Variants in LRRC9 observed in about 807,000 individuals in gnomAD.
LRRC9 encodes the protein leucine-rich repeat-containing protein 9.
LRRC9 carries 122 observed loss-of-function variants against 63.2 expected under a neutral mutation model. That is an observed-to-expected ratio of 1.93 (90% CI 1.67 to 2.24). The LOEUF (loss-of-function observed/expected upper bound fraction) is 2.24, where lower values mean the gene tolerates loss of function less well. Ranked by LOEUF, LRRC9 falls within the 30% of genes most tolerant of loss-of-function variation. The probability of loss-of-function intolerance (pLI) is 0.00; values close to 1 mark genes in which losing one functional copy is unlikely to be tolerated. For missense variants in LRRC9, 1,071 were observed against 627.7 expected, an observed-to-expected ratio of 1.71 and a Z score of -7.55; for synonymous variants, 366 against 213.1, an observed-to-expected ratio of 1.72 and a Z score of -6.25.
rs1041425217 is a variant in LRRC9, at chr14:60,027,026, C to T, written c.3704-858C>T. On this transcript the variant is annotated intron_variant, in intron 27 of 31. Transcript: ENST00000445360. This position sits in a 1 kb window ranked among gnomAD's most constrained non-coding sequence, Gnocchi z 4.0. ...TTTTCACATATGAATTGGAGGGGGA[C>T]ACAATTCAGCACATAATAATCAAGG... is the stretch of plus-strand genomic sequence containing the variant. 6.6e-6 allele frequency among the ~76,000 whole-genome samples: 1 copy of T among 151,870 alleles called. No homozygotes were observed. The highest frequency in any genetic ancestry group is 1.5e-5 in the Non-Finnish European group (1 of 67,956).
rs78229673 is a variant in LRRC9 at position 59,977,331 on chromosome 14, T to C, written c.1746T>C (p.Pro582=). The change falls in exon 14 of 32, where the codon CCT becomes CCC. Residue 582 remains proline (P), a synonymous_variant. Coordinates refer to ENST00000445360, the Ensembl canonical transcript of LRRC9. ...CAATGGTTAATTCAGTGTTCATTCC[T>C]CGGAAATATTTACTAAGTATGTCTA... 7.4e-3 allele frequency: 5,091 copies of C among 689,642 alleles called. 238 individuals are homozygous for C. In the East Asian group the frequency reaches 0.093, roughly 13 times the overall value. The allele number at this position is 689,642 out of a possible 1,614,324, so 42.7% of individuals were successfully genotyped here. A position where few individuals can be genotyped will look rare whatever the true frequency, so the allele number is the denominator to read the frequency against.
intron 8 of LRRC9, among the ~76,000 whole-genome samples, chr14:59,954,648 TA>T (rs1594863858): frequency 6.6e-6 from 1 of 152,240 alleles, no homozygotes. Flanking sequence ...GAATACACTT[TA>T]TTTTTTTCTC....
Position 59,923,628 on chromosome 14 carries a change from T to C in LRRC9, c.-34+3745T>C, listed in dbSNP as rs533629110. 8.9e-4 allele frequency among the ~76,000 whole-genome samples: 135 copies of C among 152,220 alleles called. 1 individual carries two copies. The highest frequency in any genetic ancestry group is 6.5e-4 in the Admixed American group (10 of 15,278). ...ATGAGGTGGGAATTTAAAATATAAATCACAGTAATTAAAACAGATACAGTC... is the reference window on the plus strand; with the variant it reads ...ATGAGGTGGGAATTTAAAATATAAACCACAGTAATTAAAACAGATACAGTC... On this transcript the variant is annotated intron_variant, in intron 1 of 31. Coordinates refer to ENST00000445360, the Ensembl canonical transcript of LRRC9. This position sits in a 1 kb window ranked among gnomAD's most constrained non-coding sequence, Gnocchi z 4.2.
At chr14:59,987,545 A>G (rs1316744132) in intron 17 of LRRC9, among the ~76,000 whole-genome samples, 1 of 151,270 alleles carries the variant, frequency 6.6e-6, no homozygotes, top group East Asian at 1.9e-4. Flanking sequence ...TTCGACCCAA[A>G]GAGTTTCCAG....
rs1018146276 is a variant in LRRC9, at chr14:60,004,060, A to C, written c.2842+262A>C. Among the ~76,000 whole-genome samples the C allele has an allele frequency of 9.9e-5, 15 of 152,236 alleles. No homozygotes were observed. The highest frequency in any genetic ancestry group is 9.8e-4 in the Admixed American group (15 of 15,284). ...ACAATATTATCTGTCAAATTAAAAA[A>C]TAAAAGATAAATAAAAAATTAAAAC... On this transcript the variant is annotated intron_variant, in intron 21 of 31. Coordinates refer to ENST00000445360, the Ensembl canonical transcript of LRRC9. This position sits in a 1 kb window ranked among gnomAD's most constrained non-coding sequence, Gnocchi z 4.8.
At chr14:59,978,904 T>C (rs541414673) in intron 15 of LRRC9, among the ~76,000 whole-genome samples, 1 of 152,196 alleles carries the variant, frequency 6.6e-6, no homozygotes, top group Non-Finnish European at 1.5e-5. Flanking sequence ...TGTGTGACAG[T>C]GCATGTCTCA....
chr14:59,943,672 T>C (rs1301964594), intron 7 of LRRC9, among the ~76,000 whole-genome samples: 1 of 152,106 alleles, frequency 6.6e-6, no homozygotes, highest in Non-Finnish European at 1.5e-5. Flanking sequence ...TCAGTTGCAG[T>C]ACTTCATAAT....
intron 29 of LRRC9, 94 bp from the exon 30 acceptor site, chr14:60,052,971 C>T (rs1007463775): frequency 4.1e-5 from 23 of 566,008 alleles, no homozygotes; most frequent in East Asian, 3.6e-4. Flanking sequence ...TATTTGTCCT[C>T]TTTGTTGCCT....
intron 8 of LRRC9, among the ~76,000 whole-genome samples, chr14:59,956,934 T>C (rs1019846192): frequency 2.0e-5 from 3 of 152,228 alleles, no homozygotes; most frequent in Non-Finnish European, 2.9e-5. Context: ...AATTCTTTTC[T>C]TTAAGAATGT....
intron 27 of LRRC9, among the ~76,000 whole-genome samples, chr14:60,025,975 T>C (rs1295777586): frequency 1.3e-5 from 2 of 152,040 alleles, no homozygotes; most frequent in South Asian, 2.1e-4. Flanking sequence ...CATTGGGAGA[T>C]TGGGCAAGAG....
Position 59,985,102 on chromosome 14 carries a change from C to T in LRRC9, c.2092-3C>T. 1.5e-6 allele frequency: 1 copy of T among 658,312 alleles called. No individual in the cohort carries two copies. The highest frequency in any genetic ancestry group is 2.8e-6 in the Non-Finnish European group (1 of 361,812). The allele number at this position is 658,312 out of a possible 1,614,324, so 40.8% of individuals were successfully genotyped here. A position where few individuals can be genotyped will look rare whatever the true frequency, so the allele number is the denominator to read the frequency against. On this transcript the variant is annotated splice_polypyrimidine_tract_variant and splice_region_variant and intron_variant, in intron 16 of 31. Coordinates refer to ENST00000445360, the Ensembl canonical transcript of LRRC9. ...TTTTAATGTATATTTTATTTTGCTT[C>T]AGAGTCTGAATCTACATGGAAACAG...
At chr14:60,043,756 C>CTTTTT (rs368065898) in intron 29 of LRRC9, among the ~76,000 whole-genome samples, 72 of 71,514 alleles carry the variant, frequency 1.0e-3, no homozygotes, top group Non-Finnish European at 1.5e-3. Flanking sequence ...TTTTCTTTTC[C>CTTTTT]TTTTTTTTTT....
At chr14:60,061,777 T>A (rs1038692618) in intron 31 of LRRC9, among the ~76,000 whole-genome samples, 20 of 152,226 alleles carry the variant, frequency 1.3e-4, no homozygotes, top group African/African-American at 4.8e-4. Flanking sequence ...TAAAACATTA[T>A]CTAGGAAAAA....
intron 29 of LRRC9, among the ~76,000 whole-genome samples, chr14:60,048,117 C>G (rs937185873): frequency 2.6e-5 from 4 of 152,136 alleles, no homozygotes; most frequent in Admixed American, 2.6e-4. Context: ...GACAATGTAT[C>G]AGAATCTCTG....
chr14:60,018,398 A>C, exon 25 of LRRC9: 1 of 700,542 alleles, frequency 1.4e-6, no homozygotes, highest in South Asian at 1.5e-5. Context: ...CAGTCGACCA[A>C]TTTAGAAATG....
chr14:60,009,965 C>T (rs1019220948), intron 23 of LRRC9, among the ~76,000 whole-genome samples: 4 of 152,246 alleles, frequency 2.6e-5, no homozygotes, highest in African/African-American at 9.6e-5. Flanking sequence ...CCTTAGGCAG[C>T]TCCACTCCTG....
chr14:59,974,329 G>A (rs1338619550), intron 12 of LRRC9, among the ~76,000 whole-genome samples: 1 of 151,998 alleles, frequency 6.6e-6, no homozygotes, highest in East Asian at 1.9e-4. Flanking sequence ...CTTGACTGTG[G>A]CTGCTTTTCC....
intron 30 of LRRC9, among the ~76,000 whole-genome samples, chr14:60,056,971 C>A (rs1894331385): frequency 1.3e-5 from 2 of 152,048 alleles, no homozygotes; most frequent in Admixed American, 6.6e-5. Context: ...GACAGCATTC[C>A]AGATTAGTGA....
chr14:59,975,089 GTA>G (rs1316412467), intron 13 of LRRC9, among the ~76,000 whole-genome samples: 7 of 33,194 alleles, frequency 2.1e-4, no homozygotes, highest in African/African-American at 4.5e-4. Context: ...TGTGTGTAGT[GTA>G]TATATATATA....
Sources: gnomAD v4.1 joint callset for allele counts (sites outside exome capture counted in the v4.1 genomes callset) on GRCh38, gnomAD v4.1.1 for gene constraint, Gnocchi (gnomAD v3.1) non-coding constraint, MANE v1.5 for transcripts, NCBI Gene and HGNC (gene_info 2026-07-23, HGNC 2026-07-21) for gene names.